WIPF1: variants seen among roughly 807,000 people sequenced by gnomAD.
WIPF1 encodes WAS/WASL-interacting protein family member 1.
A neutral mutation model predicts 35.4 loss-of-function variants in WIPF1; 13 were observed. That is an observed-to-expected ratio of 0.37 (90% CI 0.24 to 0.58). The LOEUF (loss-of-function observed/expected upper bound fraction) is 0.58. WIPF1 is among the 20% of genes least tolerant of loss of function. The pLI, the probability that WIPF1 is intolerant of heterozygous loss-of-function variation, is 0.74. For missense variants in WIPF1, 591 were observed against 667.0 expected (o/e 0.89, Z 1.25); for synonymous variants, 267 against 266.3 (o/e 1.00, Z -0.02).
chr2:174,571,900 G>C lies in WIPF1; in HGVS notation c.905C>G (p.Ala302Gly). ...CGGCGGAGGTGGGGCCTGTGAGGAG[G>C]CCGAAGGCCGCGGAGTGGAAGGCAC... is the stretch of plus-strand genomic sequence containing the variant. ...PPVPSTPRPS[A>G]SSQAPPPPPP... Residue 302 changes from alanine (A) to glycine (G), a missense_variant, in exon 5 of 8, where the codon GCC (alanine) becomes GGC (glycine). Physicochemically the swap from Ala to Gly is moderately conservative, Grantham distance 60. Transcript: ENST00000679041. The surrounding 1 kb of genome is among the most constrained non-coding windows in gnomAD (Gnocchi z 4.6). 1 of 1,611,748 alleles carries C rather than the reference G, an allele frequency of 6.2e-7. No homozygotes were observed. The highest frequency in any genetic ancestry group is 1.7e-5 in the Admixed American group (1 of 59,754).
chr2:174,677,895 G>A (rs1242440483), intron 1 of WIPF1, among the ~76,000 whole-genome samples: 3 of 152,136 alleles, frequency 2.0e-5, no homozygotes, highest in African/African-American at 4.8e-5. Context: ...TTAAAGGTGC[G>A]ATGCTTGGAA....
intron 1 of WIPF1, among the ~76,000 whole-genome samples, chr2:174,664,845 C>G (rs1687855899): frequency 6.6e-6 from 1 of 152,154 alleles, no homozygotes; most frequent in African/African-American, 2.4e-5. Flanking sequence ...GTTGCCCAGG[C>G]TGGTCTCAAA....
intron 1 of WIPF1, among the ~76,000 whole-genome samples, chr2:174,642,292 T>C (rs144986562): frequency 3.9e-5 from 6 of 152,058 alleles, no homozygotes; most frequent in South Asian, 4.1e-4. Context: ...TTTTATGTTA[T>C]TTTAAATTCT....
chr2:174,568,142 G>A, intron 5 of WIPF1, 69 bp from the exon 6 acceptor site: 3 of 1,505,118 alleles, frequency 2.0e-6, no homozygotes, highest in Non-Finnish European at 2.7e-6. Flanking sequence ...CACCATTGGT[G>A]TACAGCTGAT....
chr2:174,592,620 T>C (rs987930719), intron 1 of WIPF1, among the ~76,000 whole-genome samples: 1 of 151,162 alleles, frequency 6.6e-6, no homozygotes, highest in Non-Finnish European at 1.5e-5. Context: ...TTTTTTTTTT[T>C]TTTGAGACAG....
chr2:174,647,065 G>T (rs968937467), intron 1 of WIPF1, among the ~76,000 whole-genome samples: 3 of 152,154 alleles, frequency 2.0e-5, no homozygotes, highest in African/African-American at 7.2e-5. Context: ...GCCTGGAGGT[G>T]GTGAAGCACA....
chr2:174,580,537 G>A (rs756538839), intron 3 of WIPF1, among the ~76,000 whole-genome samples: 9 of 152,136 alleles, frequency 5.9e-5, no homozygotes, highest in African/African-American at 1.9e-4. Context: ...TTCCTGTTCC[G>A]TCCAAATGGG....
intron 1 of WIPF1, among the ~76,000 whole-genome samples, chr2:174,593,264 T>C (rs1685683567): frequency 6.6e-6 from 1 of 152,202 alleles, no homozygotes; most frequent in Non-Finnish European, 1.5e-5. Context: ...CATACACATA[T>C]ACACACAATT....
chr2:174,598,198 G>A (rs1685881483), upstream of WIPF1: 3 of 152,190 alleles, frequency 2.0e-5, no homozygotes, highest in Non-Finnish European at 2.9e-5. Flanking sequence ...TTAGGCTAAG[G>A]GCTTCTTCTC....
chr2:174,576,103 C>T (rs1357271563), intron 3 of WIPF1, among the ~76,000 whole-genome samples: 1 of 151,510 alleles, frequency 6.6e-6, no homozygotes, highest in East Asian at 1.9e-4. Flanking sequence ...AAATAAACAA[C>T]AACAACAAAA....
intron 1 of WIPF1, among the ~76,000 whole-genome samples, chr2:174,626,958 T>C (rs1686855333): frequency 6.6e-6 from 1 of 152,208 alleles, no homozygotes; most frequent in Admixed American, 6.5e-5. Context: ...GCCAGAGTCC[T>C]ACCATGACCA....
chr2:174,579,083 T>C (rs1024985084), intron 3 of WIPF1, among the ~76,000 whole-genome samples: 1 of 152,166 alleles, frequency 6.6e-6, no homozygotes, highest in African/African-American at 2.4e-5. Context: ...AATGGCACGA[T>C]CTTGGCTCAC....
In WIPF1 at chr2:174,581,567, C is replaced by T. The variant is rs557244590; in HGVS notation, c.52-128G>A. 78 of 1,258,136 alleles carry T rather than the reference C, an allele frequency of 6.2e-5. 1 individual carries two copies. The highest frequency in any genetic ancestry group is 5.7e-4 in the South Asian group (36 of 63,088). 77.9% of individuals were successfully genotyped at this position (1,258,136 alleles called of 1,614,324 possible). A position where few individuals can be genotyped will look rare whatever the true frequency, so the allele number is the denominator to read the frequency against. ...TTCTTGGTGATAGGTTGTAAATTCT[C>T]GACAAGTTTTAGACCCCATATCTTT... On this transcript the variant is annotated intron_variant, in intron 2 of 7. Transcript: ENST00000679041.
At chr2:174,681,298 C>T (rs1688240176) in intron 1 of WIPF1, among the ~76,000 whole-genome samples, 1 of 152,156 alleles carries the variant, frequency 6.6e-6, no homozygotes, top group Admixed American at 6.5e-5. Flanking sequence ...ACTATAGCAC[C>T]TCCAGGTCCC....
rs899848732 is a variant in WIPF1 at position 174,559,917 on chromosome 2, A to T, written c.*2630T>A. 9 of 152,648 alleles carry T rather than the reference A, an allele frequency of 5.9e-5. No individual in the cohort carries two copies. The highest frequency in any genetic ancestry group is 2.2e-4 in the African/African-American group (9 of 41,462). The allele number at this position is 152,648 out of a possible 1,614,324, so 9.5% of individuals were successfully genotyped here. On this transcript the variant is annotated 3_prime_UTR_variant, in exon 8 of 8. Coordinates refer to ENST00000679041, the MANE Select transcript of WIPF1 (RefSeq NM_001375834.1). ...ACATAAAAAAAAGTTGATTTCTTTT[A>T]AATCACAAAGTAAGGCACCATTGGA...
rs550100083 is a variant in WIPF1 at position 174,679,530 on chromosome 2, T to C, written c.-39+3244A>G. On this transcript the variant is annotated intron_variant, in intron 1 of 8. Transcript: ENST00000272746. ...AAAAGACAGCATTGGGACTGGCCCA[T>C]GCTTTACCCATTAGGAAACTCTGCC... Among the ~76,000 whole-genome samples, 80 of 151,398 alleles carry C rather than the reference T, an allele frequency of 5.3e-4. No homozygotes were observed. In the Middle Eastern group the frequency reaches 0.014, roughly 26 times the overall value.
intron 1 of WIPF1, among the ~76,000 whole-genome samples, chr2:174,621,021 C>T (rs1052479240): frequency 3.3e-5 from 5 of 152,082 alleles, no homozygotes; most frequent in Non-Finnish European, 5.9e-5. Context: ...GTTTGGACTT[C>T]GCCTGGAGGT....
rs1469596221 is a variant in WIPF1 at position 174,682,890 on chromosome 2, G to T, written c.-155C>A. On this transcript the variant is annotated 5_prime_UTR_variant, in exon 1 of 9. Coordinates refer to the WIPF1 transcript ENST00000272746. ...GCGGGCAGGAAAAGCGCTCAGCGCC[G>T]GGAGGCTGCGACCATCCGGGAACTT... 6 of 152,128 alleles carry T rather than the reference G, an allele frequency of 3.9e-5. No individual in the cohort carries two copies. The East Asian group carries it at 9.7e-4, about 25-fold the overall frequency. The allele number at this position is 152,128 out of a possible 1,614,324, so 9.4% of individuals were successfully genotyped here.
At position 174,581,410 on chromosome 2, in the gene WIPF1, C is replaced by T. The variant is rs1685237497; in HGVS notation, c.81G>A (p.Lys27=). Residue 27 remains lysine (K), a synonymous_variant, in exon 3 of 8, where the codon AAG becomes AAA. Transcript: ENST00000679041. ...GAGCATTTCTCCCAGCCTGCTCTGT[C>T]TTATTCAAGGTAGGCTTCTCTGTAT... ...LANTEKPTLN[K]TEQAGRNALL... 1.9e-6 allele frequency: 3 copies of T among 1,613,856 alleles called. No homozygotes were observed.
Sources: allele counts gnomAD v4.1 joint callset (sites outside exome capture counted in the v4.1 genomes callset), GRCh38; gene constraint gnomAD v4.1.1; non-coding constraint Gnocchi (gnomAD v3.1); transcripts MANE v1.5; gene names NCBI Gene and HGNC (gene_info 2026-07-23, HGNC 2026-07-21).